Variants in SGCD observed in about 807,000 individuals in gnomAD.
SGCD encodes delta-sarcoglycan.
In SGCD, 18 loss-of-function variants were observed where a neutral mutation model predicts 36.6. The ratio of observed to expected loss-of-function variants is 0.49; its 90% confidence interval spans 0.34 to 0.73. The LOEUF (loss-of-function observed/expected upper bound fraction) is 0.73, where lower values mean the gene tolerates loss of function less well. Among genes scored for constraint, SGCD ranks in the 30% least tolerant of loss-of-function variants. The probability of loss-of-function intolerance (pLI) is 0.01; values close to 1 mark genes in which losing one functional copy is unlikely to be tolerated. For missense variants in SGCD, 387 were observed against 346.7 expected, an observed-to-expected ratio of 1.12 and a Z score of -0.92; for synonymous variants, 133 against 130.6, an observed-to-expected ratio of 1.02 and a Z score of -0.12.
At chr5:155,854,120 C>A in the SGCD span, among the ~76,000 whole-genome samples, 1 of 152,272 alleles carries the variant, frequency 6.6e-6, no homozygotes, top group Middle Eastern at 3.4e-3. Flanking sequence ...AGGTTTATGG[C>A]ATTATAACAT....
chr5:155,968,412 C>G (rs10061798), intron 1 of SGCD, among the ~76,000 whole-genome samples: 41,041 of 151,870 alleles, frequency 0.27, 5,856 homozygotes, highest in South Asian at 0.38. Flanking sequence ...GTTTCTCTTT[C>G]CATAGTTTCA....
the SGCD span, among the ~76,000 whole-genome samples, chr5:155,771,735 A>G: frequency 6.6e-6 from 1 of 151,642 alleles, no homozygotes; most frequent in East Asian, 2.0e-4. Flanking sequence ...AATTTTTTAT[A>G]CAGATGGGGT....
intron 7 of SGCD, among the ~76,000 whole-genome samples, chr5:156,670,413 A>G (rs1350725133): frequency 6.6e-6 from 1 of 152,172 alleles, no homozygotes; most frequent in East Asian, 1.9e-4. Flanking sequence ...TGTGTGGGGT[A>G]TATTCTGTTA....
chr5:156,427,216 C>A (rs1773711395), intron 3 of SGCD, among the ~76,000 whole-genome samples: 1 of 152,112 alleles, frequency 6.6e-6, no homozygotes, highest in Non-Finnish European at 1.5e-5. Flanking sequence ...CATATGATTT[C>A]TTTAAGCAAT....
At position 155,870,565 on chromosome 5, in the gene SGCD, A is replaced by G. The variant is rs779205083; in HGVS notation, c.-282+141A>G. ...TCTTTGTTTGCCAGAAGGAGCCTCA[A>G]AGTGTCTAGTGATTGGCAGAAAAAT... On this transcript the variant is annotated intron_variant, in intron 1 of 9. Coordinates refer to the SGCD transcript ENST00000517913. 2.2e-4 allele frequency: 34 copies of G among 152,156 alleles called. 1 individual carries two copies. The highest frequency in any genetic ancestry group is 1.8e-3 in the Admixed American group (28 of 15,268). The allele number at this position is 152,156 out of a possible 1,614,324, so 9.4% of individuals were successfully genotyped here.
the SGCD span, among the ~76,000 whole-genome samples, chr5:155,777,521 T>A: frequency 6.6e-6 from 1 of 151,982 alleles, no homozygotes; most frequent in South Asian, 2.1e-4. Flanking sequence ...CACACCCTGG[T>A]AATTTTTGTA....
upstream of SGCD, among the ~76,000 whole-genome samples, chr5:156,323,805 G>T (rs888904232): frequency 8.5e-5 from 13 of 152,178 alleles, no homozygotes; most frequent in African/African-American, 3.1e-4. Context: ...TTGCAGAGGG[G>T]ATTCAGGAAT....
At chr5:156,025,239 G>C (rs1039647318) in intron 1 of SGCD, among the ~76,000 whole-genome samples, 3 of 152,134 alleles carry the variant, frequency 2.0e-5, no homozygotes, top group African/African-American at 7.2e-5. Flanking sequence ...GGAAATGAGA[G>C]GGCTGGGAGG....
At chr5:156,266,449 C>T (rs985330203) in intron 3 of SGCD, among the ~76,000 whole-genome samples, 1 of 152,092 alleles carries the variant, frequency 6.6e-6, no homozygotes, top group African/African-American at 2.4e-5. Flanking sequence ...CACTTTGTAC[C>T]ATGTCTCTTT....
chr5:156,275,911 A>ATTTTCCAT (rs2127671579), intron 3 of SGCD, among the ~76,000 whole-genome samples: 1 of 152,128 alleles, frequency 6.6e-6, no homozygotes, highest in African/African-American at 2.4e-5. Flanking sequence ...TTTATTGAAC[A>ATTTTCCAT]TTTTCCATGT....
At chr5:156,524,114 A>AAAACTG (rs1561754017) in intron 4 of SGCD, among the ~76,000 whole-genome samples, 1 of 49,718 alleles carries the variant, frequency 2.0e-5, no homozygotes, top group Non-Finnish European at 4.2e-5. Context: ...ATATATATAT[A>AAAACTG]TATATATATA....
chr5:156,423,243 T>TTTA (rs1773448565), intron 3 of SGCD, among the ~76,000 whole-genome samples: 1 of 3,986 alleles, frequency 2.5e-4, no homozygotes, highest in African/African-American at 6.4e-4. Context: ...TATATTATAT[T>TTTA]TTATAATATT....
At chr5:156,110,670 A>AG (rs990527521) in intron 1 of SGCD, among the ~76,000 whole-genome samples, 4 of 151,268 alleles carry the variant, frequency 2.6e-5, no homozygotes, top group Non-Finnish European at 4.4e-5. Context: ...AAAAAAAAAA[A>AG]CTCTCTTTCC....
At chr5:156,477,685 C>CCA (rs1561721469) in intron 3 of SGCD, among the ~76,000 whole-genome samples, 2 of 102,182 alleles carry the variant, frequency 2.0e-5, no homozygotes. Context: ...AGTATTTGAG[C>CCA]AAAAAAAAAA....
chr5:156,271,166 A>G (rs1766166945), intron 3 of SGCD, among the ~76,000 whole-genome samples: 2 of 152,110 alleles, frequency 1.3e-5, no homozygotes, highest in Non-Finnish European at 2.9e-5. Flanking sequence ...CATTTTTTGA[A>G]AAAGGTAATT....
chr5:156,699,930 A>G (rs1189165138), intron 7 of SGCD, among the ~76,000 whole-genome samples: 1 of 152,216 alleles, frequency 6.6e-6, no homozygotes, highest in Non-Finnish European at 1.5e-5. Context: ...GGCATTTAAG[A>G]GAAGTAGTAG....
intron 3 of SGCD, among the ~76,000 whole-genome samples, chr5:156,487,262 G>T (rs1425816413): frequency 6.6e-6 from 1 of 152,116 alleles, no homozygotes; most frequent in Non-Finnish European, 1.5e-5. Context: ...TAAAACTGAA[G>T]AAATCATATA....
chr5:155,898,165 C>A (rs1301540512), intron 1 of SGCD, among the ~76,000 whole-genome samples: 2 of 152,148 alleles, frequency 1.3e-5, no homozygotes, highest in African/African-American at 4.8e-5. Flanking sequence ...GGATACTTAT[C>A]AGCAATTACC....
chr5:156,095,485 G>T (rs1043670091), intron 1 of SGCD, among the ~76,000 whole-genome samples: 2 of 152,182 alleles, frequency 1.3e-5, no homozygotes, highest in South Asian at 2.1e-4. Context: ...AGTGAGTGTG[G>T]TAAGAAGGGT....
Sources: gnomAD v4.1 joint callset for allele counts (sites outside exome capture counted in the v4.1 genomes callset) on GRCh38, gnomAD v4.1.1 for gene constraint, MANE v1.5 for transcripts, NCBI Gene and HGNC (gene_info 2026-07-23, HGNC 2026-07-21) for gene names.